Variants in AGAP1 observed in about 807,000 individuals in gnomAD.
AGAP1 encodes ArfGAP with GTPase domain, ankyrin repeat and PH domain 1.
In AGAP1, 29 loss-of-function variants were observed where a neutral mutation model predicts 105.3. The observed-to-expected ratio is 0.28, with a 90% CI of 0.21 to 0.38. AGAP1 has a LOEUF of 0.38. AGAP1 is among the 10% of genes least tolerant of loss of function. AGAP1 has a pLI of 1.00. For synonymous variants in AGAP1, 509 were observed against 485.9 expected (o/e 1.05, Z -0.63); for missense variants, 998 against 1,165.1 (o/e 0.86, Z 2.09).
At chr2:235,618,490 G>A (rs1946376665) in intron 1 of AGAP1, among the ~76,000 whole-genome samples, 2 of 152,038 alleles carry the variant, frequency 1.3e-5, no homozygotes, top group Middle Eastern at 3.2e-3. Context: ...TCACTTTCTG[G>A]TAGACCCATT....
rs913729663 is a variant in AGAP1, at chr2:235,612,897, T to G, written c.164-96282T>G. ...CCCAGGTTATGTTTGTGGCCTTTTATCTCTCCAATGTGAGGCATCTCTGAT... is the reference window on the plus strand; with the variant it reads ...CCCAGGTTATGTTTGTGGCCTTTTAGCTCTCCAATGTGAGGCATCTCTGAT... On this transcript the variant is annotated intron_variant, in intron 1 of 17. Coordinates refer to ENST00000304032, the MANE Select transcript of AGAP1 (RefSeq NM_001037131.3). This position sits in a 1 kb window ranked among gnomAD's most constrained non-coding sequence, Gnocchi z 4.3. Among the ~76,000 whole-genome samples, 1 of 152,220 alleles carries G rather than the reference T, an allele frequency of 6.6e-6. No individual in the cohort carries two copies. The highest frequency in any genetic ancestry group is 6.5e-5 in the Admixed American group (1 of 15,282).
intron 1 of AGAP1, among the ~76,000 whole-genome samples, chr2:235,681,356 G>A (rs570154704): frequency 2.5e-4 from 38 of 152,160 alleles, no homozygotes; most frequent in Admixed American, 1.3e-3. Flanking sequence ...CGCGCCTCCC[G>A]AGGAGGAAGC....
intron 16 of AGAP1, among the ~76,000 whole-genome samples, chr2:236,093,995 A>G (rs1037154184): frequency 2.6e-5 from 4 of 152,224 alleles, no homozygotes; most frequent in Admixed American, 6.5e-5. Flanking sequence ...CATAAACCCC[A>G]GGTGTACTAA....
At chr2:236,084,002 T>C (rs1311495161) in intron 16 of AGAP1, among the ~76,000 whole-genome samples, 2 of 152,110 alleles carry the variant, frequency 1.3e-5, no homozygotes, top group Non-Finnish European at 2.9e-5. Flanking sequence ...TAAGGACTCA[T>C]TGTGTGGCAG....
Position 235,874,803 on chromosome 2 carries a change from GTGTGTGTGTGCA to G in AGAP1, c.1051-8530_1051-8519del, listed in dbSNP as rs1421528023. 2.0e-5 allele frequency among the ~76,000 whole-genome samples: 3 copies of G among 152,156 alleles called. No individual in the cohort carries two copies. The highest frequency in any genetic ancestry group is 2.9e-5 in the Non-Finnish European group (2 of 68,046). ...TACTCCTAGAACCAAGATACCATGA[GTGTGTGTGTGCA>G]TGTGTGTGTGCGTGTGCTCTTGCAC... On this transcript the variant is annotated intron_variant, in intron 9 of 17. Transcript: ENST00000304032. This position sits in a 1 kb window ranked among gnomAD's most constrained non-coding sequence, Gnocchi z 4.5.
chr2:235,498,304 T>TC (rs749998490), intron 1 of AGAP1, among the ~76,000 whole-genome samples: 1 of 152,022 alleles, frequency 6.6e-6, no homozygotes, highest in Middle Eastern at 3.2e-3. Flanking sequence ...AGAGGTTTAT[T>TC]CCCCCCTCCC....
At chr2:235,571,265 GATGGGGAC>G (rs891583947) in intron 1 of AGAP1, among the ~76,000 whole-genome samples, 4 of 152,228 alleles carry the variant, frequency 2.6e-5, no homozygotes, top group African/African-American at 9.6e-5. Context: ...TGAGGTTTGG[GATGGGGAC>G]AAGGATTCAC....
Position 236,095,410 on chromosome 2 carries a change from G to A in AGAP1, c.2115-24782G>A, listed in dbSNP as rs1050807144. Among the ~76,000 whole-genome samples, 3 of 152,062 alleles carry A rather than the reference G, an allele frequency of 2.0e-5. No homozygotes were observed. Among genetic ancestry groups the A allele is most frequent in the African/African-American group, 4.8e-5 (2 of 41,396 alleles). ...AGACCTTGTCTTGGCTGGGCACAGT[G>A]GCTCACGTGTGTAATCCCAGCACTT... On this transcript the variant is annotated intron_variant, in intron 16 of 17. Coordinates refer to ENST00000304032, the MANE Select transcript of AGAP1 (RefSeq NM_001037131.3). The surrounding 1 kb of genome is among the most constrained non-coding windows in gnomAD (Gnocchi z 4.1).
rs1388649761 is a variant in AGAP1 at position 235,705,010 on chromosome 2, ACT to A, written c.164-4166_164-4165del. On this transcript the variant is annotated intron_variant, in intron 1 of 17. Transcript: ENST00000304032. The surrounding 1 kb of genome is among the most constrained non-coding windows in gnomAD (Gnocchi z 4.9). ...TTTTTTTTTTTTGCGACAGAGTCTC[ACT>A]CTGTTGCCCAGGCTGGAGTGCAATG... Among the ~76,000 whole-genome samples, 6 of 104,322 alleles carry A rather than the reference ACT, an allele frequency of 5.8e-5. No homozygotes were observed. The South Asian group carries it at 1.9e-3, about 33-fold the overall frequency. The allele number at this position is 104,322 out of a possible 152,430, so 68.4% of individuals were successfully genotyped here. A position where few individuals can be genotyped will look rare whatever the true frequency, so the allele number is the denominator to read the frequency against.
At chr2:235,580,354 G>C (rs1008537115) in intron 1 of AGAP1, among the ~76,000 whole-genome samples, 9 of 152,026 alleles carry the variant, frequency 5.9e-5, no homozygotes, top group Non-Finnish European at 1.2e-4. Context: ...TGAGAATGAA[G>C]ACGTGCCGGC....
At chr2:235,581,094 C>G (rs551532896) in intron 1 of AGAP1, among the ~76,000 whole-genome samples, 2 of 138,368 alleles carry the variant, frequency 1.4e-5, no homozygotes, top group Non-Finnish European at 3.0e-5. Flanking sequence ...GTCAGGAGTT[C>G]GAGACTAGCC....
At chr2:236,111,234 G>A (rs557238249) in intron 16 of AGAP1, among the ~76,000 whole-genome samples, 27 of 152,254 alleles carry the variant, frequency 1.8e-4, no homozygotes, top group African/African-American at 6.3e-4. Flanking sequence ...ACTGGGATGA[G>A]AAAGGGCCGA....
rs1374919187 is a variant in AGAP1 at position 235,971,187 on chromosome 2, G to A, written c.1645+2564G>A. On this transcript the variant is annotated intron_variant, in intron 13 of 17. Coordinates refer to ENST00000304032, the MANE Select transcript of AGAP1 (RefSeq NM_001037131.3). This position sits in a 1 kb window ranked among gnomAD's most constrained non-coding sequence, Gnocchi z 4.8. ...CATAAGTTATTTATAAAAAGAAAAT[G>A]TATCATTTTTCCCTAGGAAAAGTTA... Among the ~76,000 whole-genome samples, 5 of 152,098 alleles carry A rather than the reference G, an allele frequency of 3.3e-5. No individual in the cohort carries two copies. The highest frequency in any genetic ancestry group is 9.7e-5 in the African/African-American group (4 of 41,402).
rs953933501 is a variant in AGAP1 at position 236,012,881 on chromosome 2, G to A, written c.1646-23680G>A. ...GCAACCTCCGCCTCCAGAGTAGCTGGGATTATAGGCGTGCCCCACCATGCA... is the reference window on the plus strand; with the variant it reads ...GCAACCTCCGCCTCCAGAGTAGCTGAGATTATAGGCGTGCCCCACCATGCA... On this transcript the variant is annotated intron_variant, in intron 13 of 17. Transcript: ENST00000304032. The surrounding 1 kb of genome is among the most constrained non-coding windows in gnomAD (Gnocchi z 4.9). Among the ~76,000 whole-genome samples, 1 of 151,982 alleles carries A rather than the reference G, an allele frequency of 6.6e-6. No homozygotes were observed. Among genetic ancestry groups the A allele is most frequent in the African/African-American group, 2.4e-5 (1 of 41,368 alleles).
At position 235,642,926 on chromosome 2, in the gene AGAP1, C is replaced by G. The variant is rs1947246310; in HGVS notation, c.164-66253C>G. Among the ~76,000 whole-genome samples, 1 of 152,168 alleles carries G rather than the reference C, an allele frequency of 6.6e-6. No homozygotes were observed. Among genetic ancestry groups the G allele is most frequent in the African/African-American group, 2.4e-5 (1 of 41,438 alleles). ...GCCTGTCTGTAATGTGCTGCCATGA[C>G]AAGGCACGGTGGTGGTGGGGACCTG... On this transcript the variant is annotated intron_variant, in intron 1 of 17. Transcript: ENST00000304032. This position sits in a 1 kb window ranked among gnomAD's most constrained non-coding sequence, Gnocchi z 4.1.
intron 1 of AGAP1, among the ~76,000 whole-genome samples, chr2:235,643,235 A>G (rs1947256828): frequency 6.6e-6 from 1 of 151,980 alleles, no homozygotes; most frequent in African/African-American, 2.4e-5. Flanking sequence ...GTTCCAGACC[A>G]GCCTGGCCAA....
chr2:235,993,680 T>C lies in AGAP1; in HGVS notation c.1645+25057T>C, dbSNP rs778814586. 2.0e-5 allele frequency among the ~76,000 whole-genome samples: 3 copies of C among 152,174 alleles called. No homozygotes were observed. The highest frequency in any genetic ancestry group is 6.5e-5 in the Admixed American group (1 of 15,280). On this transcript the variant is annotated intron_variant, in intron 13 of 17. Transcript: ENST00000304032. This position sits in a 1 kb window ranked among gnomAD's most constrained non-coding sequence, Gnocchi z 5.0. ...GAGTTTTTGCTGCCCAATACCAAAT[T>C]AAGGGCTCTGAGGAACGCTTCCTTT...
rs2057362866 is a variant in AGAP1, at chr2:236,035,798, C to T, written c.1646-763C>T. On this transcript the variant is annotated intron_variant, in intron 13 of 17. Coordinates refer to ENST00000304032, the MANE Select transcript of AGAP1 (RefSeq NM_001037131.3). The surrounding 1 kb of genome is among the most constrained non-coding windows in gnomAD (Gnocchi z 4.2). ...TCCCAAGTCCGCATGGGTCTGTACACTTCATGGAACTAGCAGAAAAGCATT... is the reference window on the plus strand; with the variant it reads ...TCCCAAGTCCGCATGGGTCTGTACATTTCATGGAACTAGCAGAAAAGCATT... 6.6e-6 allele frequency among the ~76,000 whole-genome samples: 1 copy of T among 152,140 alleles called. No individual in the cohort carries two copies. Among genetic ancestry groups the T allele is most frequent in the African/African-American group, 2.4e-5 (1 of 41,436 alleles).
chr2:236,116,667 G>T (rs558015354), intron 16 of AGAP1, among the ~76,000 whole-genome samples: 2 of 152,024 alleles, frequency 1.3e-5, no homozygotes, highest in Non-Finnish European at 2.9e-5. Flanking sequence ...ATTCTTTAGT[G>T]GTGATTTGTG....
Sources: gnomAD v4.1 joint callset for allele counts (sites outside exome capture counted in the v4.1 genomes callset) on GRCh38, gnomAD v4.1.1 for gene constraint, Gnocchi (gnomAD v3.1) non-coding constraint, MANE v1.5 for transcripts, NCBI Gene and HGNC (gene_info 2026-07-23, HGNC 2026-07-21) for gene names.